Variants in LRRC8D observed in about 807,000 individuals in gnomAD.
LRRC8D encodes the protein leucine rich repeat containing 8 VRAC subunit D, also known as volume-regulated anion channel subunit LRRC8D.
In LRRC8D, 20 loss-of-function variants were observed where a neutral mutation model predicts 55.8. The observed-to-expected ratio is 0.36, with a 90% CI of 0.25 to 0.52. The LOEUF (loss-of-function observed/expected upper bound fraction) is 0.52. LRRC8D is among the 20% of genes least tolerant of loss of function. The pLI is 0.93. For missense variants in LRRC8D, 651 were observed against 1,030.8 expected, an observed-to-expected ratio of 0.63 and a Z score of 5.05; for synonymous variants, 352 against 377.0, an observed-to-expected ratio of 0.93 and a Z score of 0.77.
At chr1:89,888,362 A>G (rs967969084) in intron 2 of LRRC8D, among the ~76,000 whole-genome samples, 1 of 152,228 alleles carries the variant, frequency 6.6e-6, no homozygotes, top group African/African-American at 2.4e-5. Flanking sequence ...TCACTTTGGA[A>G]TGGAAAGTTA....
chr1:89,839,203 G>A (rs1044518810), intron 1 of LRRC8D, among the ~76,000 whole-genome samples: 1 of 152,186 alleles, frequency 6.6e-6, no homozygotes, highest in Non-Finnish European at 1.5e-5. Context: ...CATTAATAAT[G>A]ACACCTCCCT....
intron 2 of LRRC8D, among the ~76,000 whole-genome samples, chr1:89,877,662 G>A (rs1019239299): frequency 1.3e-5 from 2 of 152,174 alleles, no homozygotes; most frequent in Admixed American, 6.5e-5. Context: ...AGGGACCAGC[G>A]GTGGTTCACC....
At chr1:89,836,002 T>C (rs545634334) in intron 1 of LRRC8D, among the ~76,000 whole-genome samples, 2 of 152,238 alleles carry the variant, frequency 1.3e-5, no homozygotes, top group Non-Finnish European at 2.9e-5. Flanking sequence ...TAGAAACATA[T>C]GCTTTCCTCC....
intron 2 of LRRC8D, among the ~76,000 whole-genome samples, chr1:89,915,166 T>C (rs945383683): frequency 6.6e-6 from 1 of 152,204 alleles, no homozygotes; most frequent in African/African-American, 2.4e-5. Flanking sequence ...GTAAAGTCTA[T>C]GATGGGCAAG....
chr1:89,822,428 T>C (rs1043786196), intron 1 of LRRC8D, among the ~76,000 whole-genome samples: 1 of 152,248 alleles, frequency 6.6e-6, no homozygotes, highest in Non-Finnish European at 1.5e-5. Context: ...GCAGATTTCC[T>C]GCTCTTGGAT....
intron 2 of LRRC8D, among the ~76,000 whole-genome samples, chr1:89,890,156 C>G (rs972518695): frequency 5.9e-5 from 9 of 152,182 alleles, no homozygotes; most frequent in Non-Finnish European, 1.2e-4. Context: ...CCACTGCTCT[C>G]TAGCCTGGGC....
chr1:89,825,834 G>T (rs1660748423), intron 1 of LRRC8D, among the ~76,000 whole-genome samples: 1 of 152,178 alleles, frequency 6.6e-6, no homozygotes, highest in South Asian at 2.1e-4. Flanking sequence ...TCTATCCAGT[G>T]AACTAGATTT....
intron 2 of LRRC8D, among the ~76,000 whole-genome samples, chr1:89,889,487 G>A (rs1396439774): frequency 6.6e-6 from 1 of 151,614 alleles, no homozygotes; most frequent in Non-Finnish European, 1.5e-5. Context: ...TGTGACTAAT[G>A]TATGATATTA....
intron 2 of LRRC8D, among the ~76,000 whole-genome samples, chr1:89,894,323 G>A (rs1662653237): frequency 6.6e-6 from 1 of 152,166 alleles, no homozygotes; most frequent in South Asian, 2.1e-4. Context: ...GACTAAGACA[G>A]CCCCATATTA....
chr1:89,841,597 C>T lies in LRRC8D; in HGVS notation c.-147-2041C>T, dbSNP rs187982797. The stretch of plus-strand genomic sequence containing the variant: ...CATTTGCCACTTTCTTAAAGAGCCC[C>T]AGTTAGAGAAAAAATAATGCAGGAA... On this transcript the variant is annotated intron_variant, in intron 1 of 2. Coordinates refer to ENST00000337338, the MANE Select transcript of LRRC8D (RefSeq NM_001134479.2). Among the ~76,000 whole-genome samples the T allele has an allele frequency of 1.9e-4, 29 of 152,172 alleles. 1 individual carries two copies. Among genetic ancestry groups the T allele is most frequent in the East Asian group, 1.2e-3 (6 of 5,178 alleles).
At chr1:89,917,704 C>G (rs78629657) in intron 2 of LRRC8D, among the ~76,000 whole-genome samples, 1 of 152,072 alleles carries the variant, frequency 6.6e-6, no homozygotes, top group African/African-American at 2.4e-5. Context: ...ACCATGCAAG[C>G]AGGGGAAGGT....
At position 89,892,421 on chromosome 1, in the gene LRRC8D, A is replaced by T. The variant is rs1047637072; in HGVS notation, c.-2-40646A>T. 3.3e-5 allele frequency among the ~76,000 whole-genome samples: 5 copies of T among 152,168 alleles called. No individual in the cohort carries two copies. The South Asian group carries it at 8.3e-4, about 25-fold the overall frequency. On this transcript the variant is annotated intron_variant, in intron 2 of 2. Transcript: ENST00000337338. The stretch of plus-strand genomic sequence containing the variant: ...TCCAAATGATTGATAACAGTGTGGG[A>T]TAAGGTAGGACCAAGTTCCCCGCTT...
At chr1:89,876,291 T>C (rs1231721097) in intron 2 of LRRC8D, among the ~76,000 whole-genome samples, 1 of 152,200 alleles carries the variant, frequency 6.6e-6, no homozygotes, top group Non-Finnish European at 1.5e-5. Flanking sequence ...AGTGTTTTTA[T>C]ACTGTGGTCC....
chr1:89,879,007 A>G (rs976149343), intron 2 of LRRC8D, among the ~76,000 whole-genome samples: 8 of 149,154 alleles, frequency 5.4e-5, no homozygotes, highest in African/African-American at 1.5e-4. Flanking sequence ...GATGTGGCCC[A>G]TGAAGGACTG....
At chr1:89,914,403 T>C (rs987321974) in intron 2 of LRRC8D, among the ~76,000 whole-genome samples, 147 of 151,840 alleles carry the variant, frequency 9.7e-4, no homozygotes, top group African/African-American at 3.4e-3. Context: ...AGAAAGGGGC[T>C]CCCACAGTGC....
intron 2 of LRRC8D, among the ~76,000 whole-genome samples, chr1:89,916,659 C>G (rs1380048534): frequency 6.6e-6 from 1 of 152,078 alleles, no homozygotes; most frequent in African/African-American, 2.4e-5. Flanking sequence ...TGTGTCTCCT[C>G]ATCTTTTGAT....
At position 89,860,788 on chromosome 1, in the gene LRRC8D, AT is replaced by A. The variant is rs1661697322; in HGVS notation, c.-3+17007del. Among the ~76,000 whole-genome samples, 97 of 85,928 alleles carry A rather than the reference AT, an allele frequency of 1.1e-3. 3 individuals are homozygous for A. The highest frequency in any genetic ancestry group is 3.4e-3 in the African/African-American group (67 of 19,564). 56.4% of individuals were successfully genotyped at this position (85,928 alleles called of 152,430 possible). A position where few individuals can be genotyped will look rare whatever the true frequency, so the allele number is the denominator to read the frequency against. On this transcript the variant is annotated intron_variant, in intron 2 of 2. Coordinates refer to ENST00000337338, the MANE Select transcript of LRRC8D (RefSeq NM_001134479.2). Reference sequence around the variant, plus strand: ...AAAAAAAAAAAAAAAAAAAAAAAATATATATATATATATATATATATACACA... The same window carrying A: ...AAAAAAAAAAAAAAAAAAAAAAAATAATATATATATATATATATATACACA...
intron 2 of LRRC8D, among the ~76,000 whole-genome samples, chr1:89,929,615 C>T (rs1663649479): frequency 6.6e-6 from 1 of 152,212 alleles, no homozygotes; most frequent in Non-Finnish European, 1.5e-5. Flanking sequence ...GATACAATTA[C>T]AGTCACATGT....
At chr1:89,840,410 A>G (rs1383094737) in intron 1 of LRRC8D, among the ~76,000 whole-genome samples, 2 of 152,208 alleles carry the variant, frequency 1.3e-5, no homozygotes, top group East Asian at 3.8e-4. Flanking sequence ...AAACTTTGGG[A>G]GTCGTACAGA....
Sources: gnomAD v4.1 joint callset for allele counts (sites outside exome capture counted in the v4.1 genomes callset) on GRCh38, gnomAD v4.1.1 for gene constraint, MANE v1.5 for transcripts, NCBI Gene and HGNC (gene_info 2026-07-23, HGNC 2026-07-21) for gene names.